Variants in CIB4 observed in about 807,000 individuals in gnomAD.
CIB4 encodes the protein calcium and integrin binding family member 4.
A neutral mutation model predicts 25.8 loss-of-function variants in CIB4; 25 were observed. The ratio of observed to expected loss-of-function variants is 0.97; its 90% CI spans 0.71 to 1.35. CIB4 has a LOEUF of 1.35. Ranked by LOEUF, CIB4 falls within the 40% of genes most tolerant of loss-of-function variation. CIB4 has a pLI of 0.00. For synonymous variants in CIB4, 75 were observed against 81.4 expected, an observed-to-expected ratio of 0.92 and a Z score of 0.42; for missense variants, 235 against 228.2, an observed-to-expected ratio of 1.03 and a Z score of -0.19.
At chr2:26,629,360 A>C in intron 3 of CIB4, 50 bp downstream of exon 3, 2 of 1,185,726 alleles carry the variant, frequency 1.7e-6, no homozygotes, top group Non-Finnish European at 2.5e-6. Context: ...TCAGCCCATC[A>C]GCAGGTCCCA....
chr2:26,626,896 G>T (rs1479745918), intron 3 of CIB4, among the ~76,000 whole-genome samples: 2 of 152,178 alleles, frequency 1.3e-5, no homozygotes, highest in East Asian at 3.9e-4. Context: ...AAGCATAAAA[G>T]ATAGTGCAGA....
chr2:26,587,304 CAAA>C (rs71399396), intron 4 of CIB4, among the ~76,000 whole-genome samples: 1 of 61,466 alleles, frequency 1.6e-5, no homozygotes, highest in Non-Finnish European at 2.6e-5. Flanking sequence ...GACTCCGTCT[CAAA>C]AAAAAAAAAA....
intron 3 of CIB4, among the ~76,000 whole-genome samples, chr2:26,601,930 G>A (rs1360453363): frequency 2.0e-5 from 3 of 152,200 alleles, no homozygotes. Flanking sequence ...CCCAGAAAAT[G>A]TAAAACCATA....
chr2:26,584,444 T>A (rs1558552528), intron 4 of CIB4, among the ~76,000 whole-genome samples: 1 of 152,192 alleles, frequency 6.6e-6, no homozygotes, highest in Non-Finnish European at 1.5e-5. Flanking sequence ...ATGTGGTAGC[T>A]CTGTGATCTG....
At chr2:26,617,209 G>A (rs1043771739) in intron 3 of CIB4, among the ~76,000 whole-genome samples, 11 of 151,978 alleles carry the variant, frequency 7.2e-5, no homozygotes, top group Non-Finnish European at 1.5e-5. Flanking sequence ...ATTCAGCCTA[G>A]GAACAGTTGG....
chr2:26,591,163 A>C (rs1572542410), intron 4 of CIB4, among the ~76,000 whole-genome samples: 1 of 151,958 alleles, frequency 6.6e-6, no homozygotes, highest in African/African-American at 2.4e-5. Flanking sequence ...AAGTGTCCCC[A>C]CCCCAGTGGC....
chr2:26,608,065 C>T (rs1220967551), intron 3 of CIB4, among the ~76,000 whole-genome samples: 2 of 152,208 alleles, frequency 1.3e-5, no homozygotes, highest in East Asian at 3.9e-4. Context: ...TGTTGAAACC[C>T]CACCTTTACT....
rs142512920 is a variant in CIB4, at chr2:26,607,411, T to G, written c.187-12094A>C. On this transcript the variant is annotated intron_variant, in intron 3 of 6. Coordinates refer to ENST00000288861, the MANE Select transcript of CIB4 (RefSeq NM_001029881.3). The stretch of plus-strand genomic sequence containing the variant: ...CATCTATTACAGGAGAAACAAAACT[T>G]ACCCGTATTGTAGATAAATATCTAT... Among the ~76,000 whole-genome samples, 609 of 152,352 alleles carry G rather than the reference T, an allele frequency of 4.0e-3. 8 individuals are homozygous for G. The highest frequency in any genetic ancestry group is 0.014 in the African/African-American group (568 of 41,582).
intron 3 of CIB4, among the ~76,000 whole-genome samples, chr2:26,624,141 C>T (rs1390379476): frequency 6.6e-6 from 1 of 152,206 alleles, no homozygotes; most frequent in Non-Finnish European, 1.5e-5. Context: ...CCCGCTTTTT[C>T]CACGAGTGAA....
In CIB4 at chr2:26,583,740, G is replaced by A. The variant is rs985910016; in HGVS notation, c.438+49C>T. On this transcript the variant is annotated intron_variant, in intron 5 of 6. Coordinates refer to ENST00000288861, the MANE Select transcript of CIB4 (RefSeq NM_001029881.3). ...ATCCGGGGGCTTTGGGTGACAACCT[G>A]GCCCCTATCCCCGGCCCCAGCCACC... The A allele has an allele frequency of 4.8e-6, 6 of 1,257,442 alleles. No individual in the cohort carries two copies. In the African/African-American group the frequency reaches 7.4e-5, roughly 15 times the overall value. 77.9% of individuals were successfully genotyped at this position (1,257,442 alleles called of 1,614,324 possible).
chr2:26,589,965 C>T lies in CIB4; in HGVS notation c.328+5211G>A, dbSNP rs550960308. ...TTGTGACTATGAGGATAATGGTCCC[C>T]GACTGTTGGCAGAACAGGAAGCTTG... On this transcript the variant is annotated intron_variant, in intron 4 of 6. Transcript: ENST00000288861. Among the ~76,000 whole-genome samples the T allele has an allele frequency of 1.1e-4, 17 of 152,182 alleles. 1 individual carries two copies. In the South Asian group the frequency reaches 2.3e-3, roughly 20 times the overall value.
At chr2:26,596,416 T>C (rs772972849) in intron 3 of CIB4, among the ~76,000 whole-genome samples, 3 of 152,064 alleles carry the variant, frequency 2.0e-5, no homozygotes, top group Admixed American at 6.6e-5. Flanking sequence ...GCAGAAGGCA[T>C]TGAAATGGTT....
intron 3 of CIB4, among the ~76,000 whole-genome samples, chr2:26,608,329 G>A (rs545362118): frequency 5.9e-5 from 9 of 151,894 alleles, no homozygotes; most frequent in African/African-American, 1.4e-4. Context: ...ATTTCACCTC[G>A]CTCTGCAATT....
At chr2:26,618,437 C>G (rs867872363) in intron 3 of CIB4, among the ~76,000 whole-genome samples, 1 of 152,200 alleles carries the variant, frequency 6.6e-6, no homozygotes, top group African/African-American at 2.4e-5. Flanking sequence ...AGGTGCACAC[C>G]ACCATGCCTG....
intron 4 of CIB4, among the ~76,000 whole-genome samples, chr2:26,588,521 G>T (rs1296023886): frequency 6.6e-6 from 1 of 152,202 alleles, no homozygotes; most frequent in Non-Finnish European, 1.5e-5. Context: ...TCAGCCTTCA[G>T]TCCCCCCAAA....
Position 26,600,058 on chromosome 2 carries a change from C to T in CIB4, c.187-4741G>A, listed in dbSNP as rs184688506. Among the ~76,000 whole-genome samples the T allele has an allele frequency of 3.7e-3, 329 of 89,322 alleles. 25 individuals carry two copies. Among genetic ancestry groups the T allele is most frequent in the Non-Finnish European group, 5.0e-3 (231 of 46,248 alleles). 58.6% of individuals were successfully genotyped at this position (89,322 alleles called of 152,430 possible). On this transcript the variant is annotated intron_variant, in intron 3 of 6. Transcript: ENST00000288861. ...ACTGCACTCCAGCCTGGTGACAGAG[C>T]GAGACTCTGTCTCAAAAAAAAAAAA...
Position 26,620,448 on chromosome 2 carries a change from G to A in CIB4, c.186+8962C>T, listed in dbSNP as rs72800404. 4.1e-3 allele frequency among the ~76,000 whole-genome samples: 628 copies of A among 152,318 alleles called. 2 individuals carry two copies. Among genetic ancestry groups the A allele is most frequent in the Non-Finnish European group, 6.5e-3 (441 of 68,030 alleles). On this transcript the variant is annotated intron_variant, in intron 3 of 6. Coordinates refer to ENST00000288861, the MANE Select transcript of CIB4 (RefSeq NM_001029881.3). ...CAGCCCCTGCAAAAGACGGGAGTTT[G>A]TTCTCTGGGGAGAGTATAGCAGAGG...
intron 4 of CIB4, among the ~76,000 whole-genome samples, chr2:26,593,470 C>T (rs1405141360): frequency 2.6e-5 from 4 of 152,012 alleles, no homozygotes; most frequent in Non-Finnish European, 5.9e-5. Flanking sequence ...CATACATATA[C>T]ACATATAAAT....
intron 3 of CIB4, among the ~76,000 whole-genome samples, chr2:26,619,257 G>C (rs1277265356): frequency 2.0e-5 from 3 of 152,172 alleles, no homozygotes; most frequent in Non-Finnish European, 4.4e-5. Flanking sequence ...TCCCCGGGGG[G>C]TGAGGGAGGC....
Sources: gnomAD v4.1 joint callset for allele counts (sites outside exome capture counted in the v4.1 genomes callset) on GRCh38, gnomAD v4.1.1 for gene constraint, MANE v1.5 for transcripts, NCBI Gene and HGNC (gene_info 2026-07-23, HGNC 2026-07-21) for gene names.